KAZN: variants seen among roughly 807,000 people sequenced by gnomAD.
KAZN encodes kazrin, periplakin interacting protein, also known as kazrin.
In KAZN, 40 loss-of-function variants were observed where a neutral mutation model predicts 87.4. That is an observed-to-expected ratio of 0.46 (90% CI 0.36 to 0.60). The LOEUF (loss-of-function observed/expected upper bound fraction) is 0.60. Among genes scored for constraint, KAZN ranks in the 20% least tolerant of loss-of-function variants. KAZN has a pLI of 0.00. For synonymous variants in KAZN, 466 were observed against 458.3 expected, an observed-to-expected ratio of 1.02 and a Z score of -0.22; for missense variants, 898 against 1,073.9, an observed-to-expected ratio of 0.84 and a Z score of 2.29.
chr1:14,416,968 A>G lies in KAZN; in HGVS notation c.250-182015A>G, dbSNP rs552729997. ...CGTGTATATGTGTATGTGTGTATAC[A>G]TATGTATATATGTGTATATATATGT... On this transcript the variant is annotated intron_variant, in intron 2 of 16. Coordinates refer to the KAZN transcript ENST00000636203. 3.4e-5 allele frequency among the ~76,000 whole-genome samples: 5 copies of G among 146,752 alleles called. No homozygotes were observed. In the East Asian group the frequency reaches 1.0e-3, roughly 30 times the overall value.
At chr1:14,194,214 A>G (rs1646480232) in intron 2 of KAZN, among the ~76,000 whole-genome samples, 1 of 152,124 alleles carries the variant, frequency 6.6e-6, no homozygotes, top group South Asian at 2.1e-4. Context: ...CATGGGGGCA[A>G]ACAAGCAAGT....
At chr1:13,926,165 G>C (rs1193112121) in intron 1 of KAZN, among the ~76,000 whole-genome samples, 1 of 152,146 alleles carries the variant, frequency 6.6e-6, no homozygotes, top group African/African-American at 2.4e-5. Flanking sequence ...CCCAAACTGA[G>C]TTGGGGTCTT....
chr1:14,384,209 T>C (rs1158852754), intron 2 of KAZN, among the ~76,000 whole-genome samples: 4 of 151,564 alleles, frequency 2.6e-5, no homozygotes, highest in Non-Finnish European at 4.4e-5. Flanking sequence ...CTTAAGGAGA[T>C]TTTGGGCTGA....
At chr1:14,853,947 T>G (rs1447096691) in intron 1 of KAZN, among the ~76,000 whole-genome samples, 1 of 152,086 alleles carries the variant, frequency 6.6e-6, no homozygotes, top group African/African-American at 2.4e-5. Context: ...AGGAGAGAGA[T>G]GTACTTCTGG....
At chr1:14,653,066 A>T (rs1638555554) in intron 1 of KAZN, among the ~76,000 whole-genome samples, 2 of 152,208 alleles carry the variant, frequency 1.3e-5, no homozygotes, top group Non-Finnish European at 2.9e-5. Flanking sequence ...TTGCAGGGGA[A>T]GTGGACAGAT....
chr1:15,011,768 G>A (rs909798113), intron 2 of KAZN, among the ~76,000 whole-genome samples: 8 of 152,076 alleles, frequency 5.3e-5, no homozygotes, highest in African/African-American at 2.4e-5. Flanking sequence ...TAAATCCCTC[G>A]AGAGCAGGGA....
At chr1:14,547,675 C>T (rs549372632) in intron 2 of KAZN, among the ~76,000 whole-genome samples, 4 of 152,088 alleles carry the variant, frequency 2.6e-5, no homozygotes, top group Admixed American at 6.5e-5. Flanking sequence ...CTCCGCATCC[C>T]GGGTTCACGC....
chr1:14,521,072 A>T (rs1211591795), intron 2 of KAZN, among the ~76,000 whole-genome samples: 1 of 152,190 alleles, frequency 6.6e-6, no homozygotes, highest in East Asian at 1.9e-4. Flanking sequence ...AATAGACAAA[A>T]TCCAGATGAG....
chr1:14,077,912 GC>G (rs1643524135), intron 1 of KAZN, among the ~76,000 whole-genome samples: 1 of 152,202 alleles, frequency 6.6e-6, no homozygotes, highest in South Asian at 2.1e-4. Flanking sequence ...GTTGCCGGCA[GC>G]CGCCTGCCAC....
intron 2 of KAZN, among the ~76,000 whole-genome samples, chr1:14,394,915 G>C (rs1171724187): frequency 1.3e-5 from 2 of 152,220 alleles, no homozygotes; most frequent in African/African-American, 4.8e-5. Flanking sequence ...TAGCTTTGCA[G>C]ACTCAGGAGC....
rs141709647 is a variant in KAZN, at chr1:14,843,818, G to A, written c.227-116866G>A. On this transcript the variant is annotated intron_variant, in intron 1 of 14. Transcript: ENST00000376030. The stretch of plus-strand genomic sequence containing the variant: ...CTTTTCTGCTAATCTTGAGTTTGTC[G>A]AACCCACAGTCAGCTTCCAGGTGTT... Among the ~76,000 whole-genome samples the A allele has an allele frequency of 2.3e-3, 346 of 151,980 alleles. 3 individuals are homozygous for A. The highest frequency in any genetic ancestry group is 4.5e-3 in the Admixed American group (69 of 15,282).
At chr1:14,657,629 G>C (rs1208694487) in intron 1 of KAZN, among the ~76,000 whole-genome samples, 1 of 152,176 alleles carries the variant, frequency 6.6e-6, no homozygotes, top group Non-Finnish European at 1.5e-5. Context: ...TAAAGGGTGG[G>C]ATTTGTGCAG....
chr1:15,094,073 G>A lies in KAZN; in HGVS notation c.1223-107G>A, dbSNP rs888317033. ...ACTTTGATTTTGAAGAGAATACATG[G>A]AGGGGAGGATGTCCCCACCACCCTC... is the stretch of plus-strand genomic sequence containing the variant. On this transcript the variant is annotated intron_variant, in intron 8 of 14. Coordinates refer to ENST00000376030, the MANE Select transcript of KAZN (RefSeq NM_201628.3). This position sits in a 1 kb window ranked among gnomAD's most constrained non-coding sequence, Gnocchi z 4.5. 1.1e-6 allele frequency: 1 copy of A among 906,870 alleles called. No individual in the cohort carries two copies. The highest frequency in any genetic ancestry group is 1.7e-6 in the Non-Finnish European group (1 of 594,256). 56.2% of individuals were successfully genotyped at this position (906,870 alleles called of 1,614,324 possible).
In KAZN at chr1:14,116,527, G is replaced by C. The variant is rs375826591; in HGVS notation, c.92-63908G>C. ...CTGCCTAGATTTCAGAGGATGTATG[G>C]AAACACCTGGATGTCCAGGCAGAAG... On this transcript the variant is annotated intron_variant, in intron 1 of 16. Transcript: ENST00000636203. Among the ~76,000 whole-genome samples, 11 of 152,348 alleles carry C rather than the reference G, an allele frequency of 7.2e-5. No individual in the cohort carries two copies. The East Asian group carries it at 1.5e-3, about 21-fold the overall frequency.
At chr1:13,971,051 C>T (rs545472564) in intron 1 of KAZN, among the ~76,000 whole-genome samples, 1 of 152,272 alleles carries the variant, frequency 6.6e-6, no homozygotes, top group South Asian at 2.1e-4. Context: ...TTAGGCTGTG[C>T]TCAGCAGGGA....
At chr1:14,780,905 C>T (rs1645314291) in intron 1 of KAZN, among the ~76,000 whole-genome samples, 1 of 152,184 alleles carries the variant, frequency 6.6e-6, no homozygotes, top group South Asian at 2.1e-4. Context: ...AGAGAAGAAG[C>T]AGAGGATTCG....
At chr1:14,485,457 A>C (rs1669298948) in intron 2 of KAZN, among the ~76,000 whole-genome samples, 1 of 152,218 alleles carries the variant, frequency 6.6e-6, no homozygotes, top group African/African-American at 2.4e-5. Context: ...GCAGCTTTCA[A>C]TCAGGCCCAC....
chr1:14,788,839 T>G (rs1462524743), intron 1 of KAZN, among the ~76,000 whole-genome samples: 1 of 152,084 alleles, frequency 6.6e-6, no homozygotes, highest in Non-Finnish European at 1.5e-5. Context: ...GGAAGTGGTG[T>G]GATCTGAGGC....
At chr1:14,250,939 T>C (rs1355772420) in intron 2 of KAZN, among the ~76,000 whole-genome samples, 2 of 151,866 alleles carry the variant, frequency 1.3e-5, no homozygotes, top group Admixed American at 6.6e-5. Context: ...ATCTCCAAAC[T>C]ATAAGTCTAG....
Sources: allele counts gnomAD v4.1 joint callset (sites outside exome capture counted in the v4.1 genomes callset), GRCh38; gene constraint gnomAD v4.1.1; non-coding constraint Gnocchi (gnomAD v3.1); transcripts MANE v1.5; gene names NCBI Gene and HGNC (gene_info 2026-07-23, HGNC 2026-07-21).